Variants in BTN3A2 observed in about 807,000 individuals in gnomAD.
BTN3A2 encodes the protein butyrophilin protein.
A neutral mutation model predicts 37.6 loss-of-function variants in BTN3A2; 25 were observed. The observed-to-expected ratio is 0.66, with a 90% CI of 0.48 to 0.93. BTN3A2 has a LOEUF of 0.93. Ranked by LOEUF, BTN3A2 falls within the 40% of genes least tolerant of loss-of-function variation. The probability of loss-of-function intolerance (pLI) is 0.00; values close to 1 mark genes in which losing one functional copy is unlikely to be tolerated. For missense variants in BTN3A2, 266 were observed against 410.9 expected (o/e 0.65, Z 3.05); for synonymous variants, 122 against 159.4 (o/e 0.77, Z 1.77).
intron 1 of BTN3A2, among the ~76,000 whole-genome samples, chr6:26,366,372 A>T (rs1762060722): frequency 6.6e-6 from 1 of 152,214 alleles, no homozygotes; most frequent in Non-Finnish European, 1.5e-5. Flanking sequence ...ACAACATTTT[A>T]AAGGCACTTG....
rs376441641 is a variant in BTN3A2 at position 26,374,347 on chromosome 6, G to A, written c.985G>A (p.Asp329Asn). 14 of 1,611,436 alleles carry A rather than the reference G, an allele frequency of 8.7e-6. No homozygotes were observed. The highest frequency in any genetic ancestry group is 4.0e-5 in the African/African-American group (3 of 74,476). ...YLTRGEESSS[D>N]TNKSA is the part of the protein sequence containing the mutation. ...TGTAGGTGGAGAGGAGTCTTCGTCC[G>A]ATACCAATAAGTCAGCCTGATGCTC... is the stretch of plus-strand genomic sequence containing the variant. The change falls in exon 9 of 11, where the codon GAT becomes AAT. Residue 329 changes from aspartate to asparagine, a missense_variant. Physicochemically the swap from Asp to Asn is conservative, Grantham distance 23 (BLOSUM62 1). Coordinates refer to ENST00000377708, the MANE Select transcript of BTN3A2 (RefSeq NM_007047.5).
In BTN3A2 at chr6:26,372,882, C is replaced by T. The variant is rs767585614; in HGVS notation, c.716-15C>T. ...GCGCACCAGCGCCCATGACCTACAGCTCTCCCCTTCGCAGACCCCTTCTTC... is the reference window on the plus strand; with the variant it reads ...GCGCACCAGCGCCCATGACCTACAGTTCTCCCCTTCGCAGACCCCTTCTTC... On this transcript the variant is annotated splice_polypyrimidine_tract_variant and intron_variant, in intron 5 of 10. Transcript: ENST00000377708. 2 of 1,612,726 alleles carry T rather than the reference C, an allele frequency of 1.2e-6. No homozygotes were observed. Among genetic ancestry groups the T allele is most frequent in the East Asian group, 4.5e-5 (2 of 44,890 alleles).
chr6:26,374,576 C>T (rs1760519320), intron 9 of BTN3A2, 195 bp from the exon 10 acceptor site: 6 of 836,338 alleles, frequency 7.2e-6, no homozygotes, highest in Admixed American at 5.3e-5. Flanking sequence ...TCCTGCACCC[C>T]CCATGACACA....
chr6:26,374,596 G>T, intron 9 of BTN3A2, 175 bp from the exon 10 acceptor site: 1 of 890,930 alleles, frequency 1.1e-6, no homozygotes. Flanking sequence ...AGGGAGCCAA[G>T]CCTGACATTT....
At chr6:26,368,074 A>G (rs1759689143) in intron 2 of BTN3A2, 24 bp downstream of exon 2, 1 of 1,576,364 alleles carries the variant, frequency 6.3e-7, no homozygotes, top group South Asian at 1.2e-5. Context: ...CGGTCACCAT[A>G]TTTGAGTTAG....
chr6:26,371,002 C>T (rs1232034728), intron 5 of BTN3A2, among the ~76,000 whole-genome samples: 1 of 152,298 alleles, frequency 6.6e-6, no homozygotes, highest in Admixed American at 6.5e-5. Flanking sequence ...TGGTGGCTCA[C>T]GCCTGTAATC....
chr6:26,372,886 C>T lies in BTN3A2; in HGVS notation c.716-11C>T. 1.9e-6 allele frequency: 3 copies of T among 1,612,872 alleles called. No individual in the cohort carries two copies. The highest frequency in any genetic ancestry group is 2.5e-6 in the Non-Finnish European group (3 of 1,180,004). On this transcript the variant is annotated splice_polypyrimidine_tract_variant and intron_variant, in intron 5 of 10. Coordinates refer to ENST00000377708, the MANE Select transcript of BTN3A2 (RefSeq NM_007047.5). ...ACCAGCGCCCATGACCTACAGCTCT[C>T]CCCTTCGCAGACCCCTTCTTCAGGA... is the stretch of plus-strand genomic sequence containing the variant.
At position 26,376,142 on chromosome 6, in the gene BTN3A2, G is replaced by A. The variant is rs1395889904; in HGVS notation, c.*380G>A. 1 of 213,468 alleles carries A rather than the reference G, an allele frequency of 4.7e-6. No homozygotes were observed. Among genetic ancestry groups the A allele is most frequent in the Non-Finnish European group, 9.4e-6 (1 of 106,798 alleles). 13.2% of individuals were successfully genotyped at this position (213,468 alleles called of 1,614,324 possible). A position where few individuals can be genotyped will look rare whatever the true frequency, so the allele number is the denominator to read the frequency against. ...GCAGGAGAATGGCATGAACCCGGAA[G>A]GCAGAGCTTGCAGTGAGCCGAGATC... On this transcript the variant is annotated 3_prime_UTR_variant, in exon 11 of 11. Transcript: ENST00000377708.
intron 3 of BTN3A2, 71 bp from the exon 4 acceptor site, chr6:26,368,494 T>C (rs764015092): frequency 3.1e-6 from 5 of 1,612,162 alleles, no homozygotes; most frequent in Non-Finnish European, 4.2e-6. Context: ...CTTCCCTGTC[T>C]GAGAAGGACC....
rs994577754 is a variant in BTN3A2, at chr6:26,370,393, A to G, written c.505A>G (p.Thr169Ala). Residue 169 changes from threonine to alanine, a missense_variant, in exon 5 of 11, where the codon ACC becomes GCC. Thr to Ala is a moderately conservative substitution (Grantham distance 58, BLOSUM62 0). This residue lies in a region of BTN3A2 where 204 missense variants were observed against 232.6 expected (regional missense o/e 0.88). Transcript: ENST00000377708. The stretch of plus-strand genomic sequence containing the variant: ...AGGGATCCATCTGGAGTGCAGGTCC[A>G]CCGGCTGGTACCCCCAACCCCAAAT... ...DGGIHLECRS[T>A]GWYPQPQIQW... 2 of 1,614,058 alleles carry G rather than the reference A, an allele frequency of 1.2e-6. No individual in the cohort carries two copies. The highest frequency in any genetic ancestry group is 2.7e-5 in the African/African-American group (2 of 74,922).
At chr6:26,374,615 G>T in intron 9 of BTN3A2, 156 bp from the exon 10 acceptor site, 1 of 946,816 alleles carries the variant, frequency 1.1e-6, no homozygotes, top group Non-Finnish European at 1.6e-6. Context: ...TTTTGAGAAG[G>T]TGCCACCTCT....
chr6:26,373,488 G>T, intron 8 of BTN3A2, 75 bp downstream of exon 8: 2 of 1,527,600 alleles, frequency 1.3e-6, no homozygotes, highest in Admixed American at 2.1e-5. Flanking sequence ...CAGCCCATAA[G>T]TCATAGCCCA....
At chr6:26,375,716 C>T (rs1760656971) in intron 10 of BTN3A2, 81 bp from the exon 11 acceptor site, 1 of 1,540,076 alleles carries the variant, frequency 6.5e-7, no homozygotes, top group African/African-American at 1.4e-5. Flanking sequence ...GAGCTTCCTT[C>T]ATGGCCTGCT....
intron 5 of BTN3A2, among the ~76,000 whole-genome samples, chr6:26,371,046 T>C (rs949732691): frequency 2.0e-5 from 3 of 152,020 alleles, no homozygotes; most frequent in Non-Finnish European, 4.4e-5. Context: ...AGGCAGATCA[T>C]TGAGGCCAGG....
chr6:26,375,777 T>C lies in BTN3A2; in HGVS notation c.*35-20T>C, dbSNP rs1760663065. 4 of 1,550,126 alleles carry C rather than the reference T, an allele frequency of 2.6e-6. No homozygotes were observed. Among genetic ancestry groups the C allele is most frequent in the Admixed American group, 3.9e-5 (2 of 50,998 alleles). On this transcript the variant is annotated intron_variant, in intron 10 of 10. Transcript: ENST00000377708. Reference sequence around the variant, plus strand: ...CCTTCTACAGCGCTAGAGATTCATATGTTTATCCCCATTTTTCAGGTGAGG... The same window carrying C: ...CCTTCTACAGCGCTAGAGATTCATACGTTTATCCCCATTTTTCAGGTGAGG...
intron 8 of BTN3A2, chr6:26,373,732 C>A: frequency 3.5e-6 from 1 of 284,512 alleles, no homozygotes; most frequent in Non-Finnish European, 6.4e-6. Context: ...TTTTCTATGG[C>A]AGGAAACTTA....
chr6:26,377,106 G>C lies in BTN3A2; in HGVS notation c.*1344G>C. ...GACCGTTTGCCCAATACCAAAAGTAGAGAGTTCCCCCGATCCCGACCTAGT... is the reference window on the plus strand; with the variant it reads ...GACCGTTTGCCCAATACCAAAAGTACAGAGTTCCCCCGATCCCGACCTAGT... On this transcript the variant is annotated 3_prime_UTR_variant, in exon 11 of 11. Coordinates refer to ENST00000377708, the MANE Select transcript of BTN3A2 (RefSeq NM_007047.5). The C allele has an allele frequency of 7.6e-7, 1 of 1,323,368 alleles. No homozygotes were observed. Among genetic ancestry groups the C allele is most frequent in the Non-Finnish European group, 1.1e-6 (1 of 916,138 alleles). 82.0% of individuals were successfully genotyped at this position (1,323,368 alleles called of 1,614,324 possible).
At chr6:26,367,557 G>A (rs1270177170) in intron 1 of BTN3A2, among the ~76,000 whole-genome samples, 1 of 152,220 alleles carries the variant, frequency 6.6e-6, no homozygotes, top group Non-Finnish European at 1.5e-5. Flanking sequence ...CATTGTGGGT[G>A]CTCAGTAAAT....
chr6:26,365,235 G>A lies in BTN3A2; in HGVS notation c.-184G>A. ...TTCTCATGGTGAGAAGACAATATTT[G>A]CTTTCTCTTTTTCCTTTCTTCCGGA... On this transcript the variant is annotated 5_prime_UTR_variant, in exon 1 of 11. Transcript: ENST00000377708. The A allele has an allele frequency of 7.1e-7, 1 of 1,401,256 alleles. No individual in the cohort carries two copies. The highest frequency in any genetic ancestry group is 1.2e-5 in the South Asian group (1 of 80,720). The allele number at this position is 1,401,256 out of a possible 1,614,324, so 86.8% of individuals were successfully genotyped here.
Sources: allele counts gnomAD v4.1 joint callset (sites outside exome capture counted in the v4.1 genomes callset), GRCh38; gene constraint gnomAD v4.1.1; regional missense constraint gnomAD v4.1.1; transcripts MANE v1.5; gene names NCBI Gene and HGNC (gene_info 2026-07-23, HGNC 2026-07-21).